The following CYREN variants were observed in gnomAD, a reference collection of about 807,000 sequenced individuals.
CYREN encodes cell cycle regulator of NHEJ.
A neutral mutation model predicts 9.7 loss-of-function variants in CYREN; 7 were observed. The observed-to-expected ratio is 0.72, with a 90% CI of 0.41 to 1.36. The LOEUF (loss-of-function observed/expected upper bound fraction) is 1.36. Ranked by LOEUF, CYREN falls within the 40% of genes most tolerant of loss-of-function variation. The pLI, the probability that CYREN is intolerant of heterozygous loss-of-function variation, is 0.01. For missense variants in CYREN, 215 were observed against 198.1 expected, an observed-to-expected ratio of 1.09 and a Z score of -0.51; for synonymous variants, 76 against 77.9, an observed-to-expected ratio of 0.98 and a Z score of 0.13.
intron 2 of CYREN, chr7:135,168,059 A>C (rs1830316343): frequency 1.8e-6 from 1 of 556,926 alleles, no homozygotes; most frequent in South Asian, 2.1e-5. Flanking sequence ...AAGGATCTGG[A>C]AGTAGGGAAG....
At chr7:135,168,698 G>A (rs1456044545) in intron 2 of CYREN, 88 bp downstream of exon 2, 2 of 1,533,460 alleles carry the variant, frequency 1.3e-6, no homozygotes, top group Admixed American at 4.0e-5. Context: ...TTGCTGTTCT[G>A]CCTAGGCTGG....
At chr7:135,141,810 T>C (rs1829457727) in intron 2 of CYREN, among the ~76,000 whole-genome samples, 1 of 152,162 alleles carries the variant, frequency 6.6e-6, no homozygotes, top group Admixed American at 6.5e-5. Flanking sequence ...TGTTTACCCA[T>C]AAGTAATTCA....
At chr7:135,141,850 G>C (rs909914943) in intron 2 of CYREN, among the ~76,000 whole-genome samples, 3 of 152,130 alleles carry the variant, frequency 2.0e-5, no homozygotes, top group African/African-American at 7.2e-5. Flanking sequence ...CTATGTAATT[G>C]TATGGTTTAG....
At chr7:135,159,593 T>A (rs931594685) in intron 2 of CYREN, among the ~76,000 whole-genome samples, 2 of 152,246 alleles carry the variant, frequency 1.3e-5, no homozygotes, top group Non-Finnish European at 2.9e-5. Flanking sequence ...GGAATCTAAA[T>A]CTGCATCTTG....
intron 2 of CYREN, among the ~76,000 whole-genome samples, chr7:135,128,054 G>C (rs552995074): frequency 2.6e-5 from 4 of 152,102 alleles, no homozygotes; most frequent in Non-Finnish European, 5.9e-5. Context: ...AGCTCTTTGG[G>C]AGGCCAAGGT....
At position 135,134,698 on chromosome 7, in the gene CYREN, C is replaced by T. The variant is rs571346751; in HGVS notation, n.356+34051G>A. 5.2e-4 allele frequency: 404 copies of T among 778,924 alleles called. 6 individuals carry two copies. The South Asian group carries it at 8.2e-3, about 16-fold the overall frequency. The allele number at this position is 778,924 out of a possible 1,614,324, so 48.3% of individuals were successfully genotyped here. On this transcript the variant is annotated intron_variant and non_coding_transcript_variant, in intron 2 of 2. Transcript: ENST00000459937. ...AAATCATGATCAGAGATGAAGACTT[C>T]TAAATGATGGTAAAATTCTTAAACT...
chr7:135,128,066 G>A (rs1200807208), intron 2 of CYREN, among the ~76,000 whole-genome samples: 1 of 151,980 alleles, frequency 6.6e-6, no homozygotes, highest in Non-Finnish European at 1.5e-5. Context: ...GGCCAAGGTG[G>A]GTGGATCACA....
chr7:135,115,795 G>A (rs995391887), intron 2 of CYREN: 7 of 543,042 alleles, frequency 1.3e-5, no homozygotes, highest in Non-Finnish European at 2.3e-5. Flanking sequence ...GAAGGAGTAA[G>A]TTATCAGGCC....
intron 3 of CYREN, chr7:135,167,190 T>C (rs1269057222): frequency 7.1e-6 from 7 of 985,306 alleles, no homozygotes; most frequent in Non-Finnish European, 8.4e-6. Flanking sequence ...ATACAAAACC[T>C]GGGTGTGGGC....
chr7:135,136,079 A>G (rs1829335109), intron 2 of CYREN, among the ~76,000 whole-genome samples: 1 of 152,088 alleles, frequency 6.6e-6, no homozygotes, highest in Non-Finnish European at 1.5e-5. Context: ...CACACAGAGG[A>G]GCAAGTATGT....
At chr7:135,155,057 G>C (rs938615955) in intron 2 of CYREN, among the ~76,000 whole-genome samples, 4 of 152,106 alleles carry the variant, frequency 2.6e-5, no homozygotes, top group African/African-American at 9.7e-5. Context: ...ATATCGTCTT[G>C]CTGAATTTAT....
At chr7:135,164,629 A>C (rs760812656), downstream of CYREN, 1 of 1,613,548 alleles carries the variant, frequency 6.2e-7, no homozygotes, top group Non-Finnish European at 8.5e-7. Flanking sequence ...AGCACCCTAC[A>C]GTGTCACCAG....
intron 2 of CYREN, among the ~76,000 whole-genome samples, chr7:135,157,609 C>G (rs1829827266): frequency 6.6e-6 from 1 of 152,234 alleles, no homozygotes; most frequent in Non-Finnish European, 1.5e-5. Context: ...GGCATGATCT[C>G]TAGCCCCTGA....
intron 2 of CYREN, chr7:135,115,548 A>C (rs1264059745): frequency 6.4e-7 from 1 of 1,551,404 alleles, no homozygotes; most frequent in African/African-American, 1.4e-5. Flanking sequence ...AGCACTAAAA[A>C]CATGCAAACC....
chr7:135,110,617 G>A (rs576912206), intron 2 of CYREN, among the ~76,000 whole-genome samples: 108 of 152,116 alleles, frequency 7.1e-4, no homozygotes, highest in Non-Finnish European at 1.3e-3. Flanking sequence ...GTCGCTCCTG[G>A]GTGGGCAGCT....
rs1829671725 is a variant in CYREN at position 135,151,769 on chromosome 7, C to G, written n.356+16980G>C. On this transcript the variant is annotated intron_variant and non_coding_transcript_variant, in intron 2 of 2. Transcript: ENST00000459937. The surrounding 1 kb of genome is among the most constrained non-coding windows in gnomAD (Gnocchi z 4.3). ...TGTGAGGCTCAGGCTGGCTATGTAA[C>G]TTGCCCAAGGTCATATGACTAGTGA... is the stretch of plus-strand genomic sequence containing the variant. Among the ~76,000 whole-genome samples, 1 of 152,216 alleles carries G rather than the reference C, an allele frequency of 6.6e-6. No homozygotes were observed. Among genetic ancestry groups the G allele is most frequent in the Non-Finnish European group, 1.5e-5 (1 of 68,040 alleles).
At chr7:135,105,657 G>C (rs1440569773) in intron 2 of CYREN, among the ~76,000 whole-genome samples, 2 of 152,174 alleles carry the variant, frequency 1.3e-5, no homozygotes, top group Admixed American at 1.3e-4. Context: ...TTTGAAGTCA[G>C]GTAACGTGAT....
chr7:135,164,611 A>C (rs370353179), downstream of CYREN: 10 of 1,614,110 alleles, frequency 6.2e-6, no homozygotes, highest in African/African-American at 1.1e-4. Context: ...CTGTGGAATG[A>C]GGACACCAGC....
intron 2 of CYREN, among the ~76,000 whole-genome samples, chr7:135,107,551 C>T (rs1281904747): frequency 6.6e-6 from 1 of 152,010 alleles, no homozygotes; most frequent in Non-Finnish European, 1.5e-5. Context: ...ATCTTGATTT[C>T]TATTTTTATT....
Sources: allele counts gnomAD v4.1 joint callset (sites outside exome capture counted in the v4.1 genomes callset), GRCh38; gene constraint gnomAD v4.1.1; non-coding constraint Gnocchi (gnomAD v3.1); transcripts MANE v1.5; gene names NCBI Gene and HGNC (gene_info 2026-07-23, HGNC 2026-07-21).